The following ITGB8 variants were observed in gnomAD, a reference collection of about 807,000 sequenced individuals.
The protein encoded by ITGB8 is integrin beta-8.
Under a neutral mutation model 89.5 loss-of-function variants are expected in ITGB8, and 30 were observed. That is an observed-to-expected ratio of 0.34 (90% CI 0.25 to 0.45). The LOEUF is 0.45. Among genes scored for constraint, ITGB8 ranks in the 20% least tolerant of loss-of-function variants. ITGB8 has a pLI of 1.00. For missense variants in ITGB8, 836 were observed against 933.3 expected (o/e 0.90, Z 1.36); for synonymous variants, 335 against 320.4 (o/e 1.05, Z -0.49).
intron 12 of ITGB8, among the ~76,000 whole-genome samples, chr7:20,407,460 ATTATATCT>A (rs1447897690): frequency 6.6e-6 from 1 of 152,178 alleles, no homozygotes; most frequent in Non-Finnish European, 1.5e-5. Context: ...TAACCTTGAA[ATTATATCT>A]TTATTAAACA....
rs563701068 is a variant in ITGB8 at position 20,400,632 on chromosome 7, G to C, written c.1282-1089G>C. 4.9e-4 allele frequency among the ~76,000 whole-genome samples: 75 copies of C among 152,244 alleles called. 1 individual carries two copies. The highest frequency in any genetic ancestry group is 1.8e-3 in the African/African-American group (74 of 41,534). On this transcript the variant is annotated intron_variant, in intron 9 of 13. Transcript: ENST00000222573. ...AAAGTACCTAAAGATGGTAAGGTGA[G>C]CCAACAAATATAAATAGACATATTA...
intron 1 of ITGB8, among the ~76,000 whole-genome samples, chr7:20,358,053 C>A (rs1785359626): frequency 6.6e-6 from 1 of 152,132 alleles, no homozygotes; most frequent in African/African-American, 2.4e-5. Context: ...GCAACCTCCG[C>A]CTCCCGAGTT....
At position 20,398,982 on chromosome 7, in the gene ITGB8, G is replaced by A. The variant is rs141591610; in HGVS notation, c.1269G>A (p.Thr423=). Residue 423 remains threonine (T), a synonymous_variant, in exon 9 of 14, where the codon ACG becomes ACA. Coordinates refer to ENST00000222573, the MANE Select transcript of ITGB8 (RefSeq NM_002214.3). ...GCATGGAAGGATGCAGAAACGTGAC[G>A]AGCAATGATGAAGTATGTGGGTGTG... ...KPGMEGCRNV[T]SNDEVLFNVT... The A allele has an allele frequency of 2.0e-4, 324 of 1,613,240 alleles. No individual in the cohort carries two copies. The highest frequency in any genetic ancestry group is 2.4e-4 in the Non-Finnish European group (284 of 1,179,708).
At chr7:20,337,797 C>G (rs1784624743) in intron 1 of ITGB8, among the ~76,000 whole-genome samples, 1 of 152,186 alleles carries the variant, frequency 6.6e-6, no homozygotes, top group African/African-American at 2.4e-5. Flanking sequence ...CAACCATGGG[C>G]AGGGAGTCCA....
At chr7:20,376,544 C>G (rs534501007) in intron 3 of ITGB8, among the ~76,000 whole-genome samples, 3 of 152,242 alleles carry the variant, frequency 2.0e-5, no homozygotes, top group South Asian at 2.1e-4. Flanking sequence ...ACACCTGCCC[C>G]CAAGAGTCTT....
intron 6 of ITGB8, among the ~76,000 whole-genome samples, chr7:20,388,754 T>C (rs1426477426): frequency 1.3e-5 from 2 of 152,154 alleles, no homozygotes; most frequent in Admixed American, 6.5e-5. Context: ...ATCATCTACA[T>C]TAGGTATTTC....
Position 20,331,655 on chromosome 7 carries a change from C to A in ITGB8, c.-152C>A. 1 of 936,112 alleles carries A rather than the reference C, an allele frequency of 1.1e-6. No homozygotes were observed. The highest frequency in any genetic ancestry group is 1.5e-6 in the Non-Finnish European group (1 of 666,198). The allele number at this position is 936,112 out of a possible 1,614,324, so 58.0% of individuals were successfully genotyped here. On this transcript the variant is annotated 5_prime_UTR_variant, in exon 1 of 14. Coordinates refer to ENST00000222573, the MANE Select transcript of ITGB8 (RefSeq NM_002214.3). ...CGGTGCCCGGGCCCGCTTACCTGCA[C>A]CGCTTGCTCCGAGCCGCGGGGTCCG... is the stretch of plus-strand genomic sequence containing the variant.
At chr7:20,375,714 T>G (rs1786113549) in intron 3 of ITGB8, among the ~76,000 whole-genome samples, 1 of 152,216 alleles carries the variant, frequency 6.6e-6, no homozygotes, top group African/African-American at 2.4e-5. Flanking sequence ...AAGGGAACAC[T>G]GACATATCAT....
chr7:20,348,079 G>C (rs764051261), intron 1 of ITGB8, among the ~76,000 whole-genome samples: 1 of 152,156 alleles, frequency 6.6e-6, no homozygotes, highest in Non-Finnish European at 1.5e-5. Flanking sequence ...AGACAATTTT[G>C]ACTTGAAAAG....
chr7:20,349,938 A>G (rs1350869355), intron 1 of ITGB8, among the ~76,000 whole-genome samples: 1 of 152,136 alleles, frequency 6.6e-6, no homozygotes, highest in East Asian at 1.9e-4. Flanking sequence ...AGATGTATAG[A>G]CCTCTGAAGC....
chr7:20,358,966 G>A lies in ITGB8; in HGVS notation c.128-4671G>A, dbSNP rs370717374. On this transcript the variant is annotated intron_variant, in intron 1 of 13. Coordinates refer to ENST00000222573, the MANE Select transcript of ITGB8 (RefSeq NM_002214.3). ...TTATAAGTGGTAACATGTGTTGTTC[G>A]GTTTTCTGTTTCTGAGTTAATTTGG... Among the ~76,000 whole-genome samples, 932 of 152,202 alleles carry A rather than the reference G, an allele frequency of 6.1e-3. 9 individuals are homozygous for A. Among genetic ancestry groups the A allele is most frequent in the African/African-American group, 0.021 (871 of 41,520 alleles).
chr7:20,409,115 T>C (rs899111429), intron 12 of ITGB8, among the ~76,000 whole-genome samples: 1 of 152,240 alleles, frequency 6.6e-6, no homozygotes, highest in Non-Finnish European at 1.5e-5. Context: ...TTTTAGCTTC[T>C]GCAGATGTTT....
At chr7:20,395,925 T>G (rs937735967) in intron 8 of ITGB8, among the ~76,000 whole-genome samples, 1 of 152,236 alleles carries the variant, frequency 6.6e-6, no homozygotes, top group African/African-American at 2.4e-5. Context: ...TTACAGTGTG[T>G]CAAAAGATAT....
chr7:20,402,263 A>G (rs1167974057), intron 10 of ITGB8, 137 bp downstream of exon 10: 1 of 711,108 alleles, frequency 1.4e-6, no homozygotes, highest in Non-Finnish European at 2.2e-6. Flanking sequence ...AAAGTCCATG[A>G]AATTAGGGCA....
intron 1 of ITGB8, among the ~76,000 whole-genome samples, chr7:20,350,103 T>C (rs953055724): frequency 1.1e-4 from 17 of 152,220 alleles, no homozygotes; most frequent in Admixed American, 3.3e-4. Context: ...GGTGCCCCTT[T>C]TTTAAAAAAC....
At position 20,381,774 on chromosome 7, in the gene ITGB8, G is replaced by A. The variant is rs760023104; in HGVS notation, c.849G>A (p.Met283Ile). Reference protein sequence around the residue: ...RKEAKRLLLVMTDQTSHLALD... With the variant: ...RKEAKRLLLVITDQTSHLALD... ...AGGCTAAAAGATTGCTGCTGGTGAT[G>A]ACAGATCAGACGTCTCATCTCGCTC... Residue 283 changes from methionine to isoleucine, a missense_variant, in exon 6 of 14, where the codon ATG becomes ATA. Met to Ile is a conservative substitution (Grantham distance 10). Transcript: ENST00000222573. 1 of 1,613,912 alleles carries A rather than the reference G, an allele frequency of 6.2e-7. No individual in the cohort carries two copies. The highest frequency in any genetic ancestry group is 2.2e-5 in the East Asian group (1 of 44,888).
intron 1 of ITGB8, among the ~76,000 whole-genome samples, chr7:20,349,099 T>A (rs1463942871): frequency 6.6e-6 from 1 of 152,142 alleles, no homozygotes; most frequent in Non-Finnish European, 1.5e-5. Context: ...TATAAGATAT[T>A]AAAGTATTAC....
chr7:20,366,838 A>C, intron 2 of ITGB8, 174 bp from the exon 3 acceptor site: 1 of 542,444 alleles, frequency 1.8e-6, no homozygotes, highest in African/African-American at 2.0e-5. Context: ...TTAGATGCAG[A>C]AAGTTGGAGT....
chr7:20,409,561 CTT>C (rs1256188657), intron 12 of ITGB8, 52 bp from the exon 13 acceptor site: 3 of 1,235,248 alleles, frequency 2.4e-6, no homozygotes, highest in Non-Finnish European at 1.1e-6. Flanking sequence ...TTGATAGACT[CTT>C]TGATTTACTT....
Sources: allele counts gnomAD v4.1 joint callset (sites outside exome capture counted in the v4.1 genomes callset), GRCh38; gene constraint gnomAD v4.1.1; transcripts MANE v1.5; gene names NCBI Gene and HGNC (gene_info 2026-07-23, HGNC 2026-07-21).